SUGT1: variants seen among roughly 807,000 people sequenced by gnomAD.
The protein encoded by SUGT1 is SGT1 assembly cochaperone of MIS12 kinetochore complex, also known as protein SGT1 homolog.
In SUGT1, 15 loss-of-function variants were observed where a neutral mutation model predicts 56.1. The observed-to-expected ratio is 0.27, with a 90% CI of 0.18 to 0.41. SUGT1 has a LOEUF of 0.41. Among genes scored for constraint, SUGT1 ranks in the 10% least tolerant of loss-of-function variants. The probability of loss-of-function intolerance (pLI) is 1.00; values close to 1 mark genes in which losing one functional copy is unlikely to be tolerated. For missense variants in SUGT1, 347 were observed against 382.2 expected, an observed-to-expected ratio of 0.91 and a Z score of 0.77; for synonymous variants, 123 against 128.6, an observed-to-expected ratio of 0.96 and a Z score of 0.30.
chr13:52,668,172 G>A (rs1962794665), intron 10 of SUGT1, among the ~76,000 whole-genome samples: 1 of 152,018 alleles, frequency 6.6e-6, no homozygotes, highest in Admixed American at 6.6e-5. Flanking sequence ...TGTAGAGATG[G>A]GGTTTCACCA....
At chr13:52,653,299 C>T (rs1261731784) in intron 2 of SUGT1, among the ~76,000 whole-genome samples, 196 bp downstream of exon 2, 1 of 152,158 alleles carries the variant, frequency 6.6e-6, no homozygotes, top group Non-Finnish European at 1.5e-5. Context: ...AGACTCCTGT[C>T]TTGCCCTTTC....
At chr13:52,682,131 C>G (rs1963400669) in intron 12 of SUGT1, among the ~76,000 whole-genome samples, 3 of 151,990 alleles carry the variant, frequency 2.0e-5, no homozygotes, top group African/African-American at 4.8e-5. Flanking sequence ...AACTCTTTGC[C>G]TAGTCCTAGA....
At chr13:52,654,028 A>G (rs1245676535) in intron 2 of SUGT1, among the ~76,000 whole-genome samples, 1 of 152,250 alleles carries the variant, frequency 6.6e-6, no homozygotes, top group Non-Finnish European at 1.5e-5. Context: ...TATTCCAGGC[A>G]GGACCAAGAG....
intron 3 of SUGT1, chr13:52,658,128 C>A: frequency 7.4e-7 from 1 of 1,349,558 alleles, no homozygotes. Context: ...AGTAAAATTA[C>A]ATAGAAAATG....
At chr13:52,658,230 C>G (rs1225357190) in intron 3 of SUGT1, 169 bp from the exon 4 acceptor site, 2 of 1,517,680 alleles carry the variant, frequency 1.3e-6, no homozygotes, top group Non-Finnish European at 1.8e-6. Context: ...AAGGAAGGTA[C>G]AAGAGTAATA....
Position 52,658,585 on chromosome 13 carries a change from T to C in SUGT1, c.257+117T>C, listed in dbSNP as rs990351741. 18 of 872,362 alleles carry C rather than the reference T, an allele frequency of 2.1e-5. No individual in the cohort carries two copies. The African/African-American group carries it at 2.9e-4, about 14-fold the overall frequency. 54.0% of individuals were successfully genotyped at this position (872,362 alleles called of 1,614,324 possible). On this transcript the variant is annotated intron_variant, in intron 4 of 12. Transcript: ENST00000310528. Reference sequence around the variant, plus strand: ...TAAAATTCTGTATTTATACATTATATAGCAGAGATATGATTCAATTTTAAA... The same window carrying C: ...TAAAATTCTGTATTTATACATTATACAGCAGAGATATGATTCAATTTTAAA...
chr13:52,662,987 G>T, intron 6 of SUGT1, 109 bp from the exon 7 acceptor site: 1 of 1,240,386 alleles, frequency 8.1e-7, no homozygotes, highest in South Asian at 1.4e-5. Flanking sequence ...TGAAAGGTAC[G>T]GAGAATTTGC....
Position 52,696,328 on chromosome 13 carries a change from C to A in SUGT1, c.*8493C>A, listed in dbSNP as rs773350944. On this transcript the variant is annotated 3_prime_UTR_variant, in exon 13 of 13. Transcript: ENST00000310528. ...CCTCTCCATGCCCTCTACTGAAATG[C>A]ATTGCCACTCTAGTTGTGATGTGGG... The A allele has an allele frequency of 6.6e-6, 1 of 152,198 alleles. No homozygotes were observed. The highest frequency in any genetic ancestry group is 1.5e-5 in the Non-Finnish European group (1 of 68,042). 9.4% of individuals were successfully genotyped at this position (152,198 alleles called of 1,614,324 possible).
At position 52,665,620 on chromosome 13, in the gene SUGT1, T is replaced by C; in HGVS notation, c.423-17T>C. On this transcript the variant is annotated splice_polypyrimidine_tract_variant and intron_variant, in intron 8 of 12. Transcript: ENST00000310528. ...AAATTAGAAGAGTTACCTAAGTTTC[T>C]TTTTTTTTTTTAATAGGTATGACTG... 1 of 616,304 alleles carries C rather than the reference T, an allele frequency of 1.6e-6. No homozygotes were observed. The highest frequency in any genetic ancestry group is 2.3e-6 in the Non-Finnish European group (1 of 436,794). 38.2% of individuals were successfully genotyped at this position (616,304 alleles called of 1,614,324 possible). A position where few individuals can be genotyped will look rare whatever the true frequency, so the allele number is the denominator to read the frequency against.
chr13:52,659,224 T>C lies in SUGT1; in HGVS notation c.303T>C (p.Thr101=), dbSNP rs758713556. Residue 101 remains threonine, a synonymous_variant, in exon 5 of 13, where the codon ACT becomes ACC. Coordinates refer to ENST00000310528, the MANE Select transcript of SUGT1 (RefSeq NM_006704.5). ...AAAACTATGCTGCTGCCCTAGAAAC[T>C]TTTACAGAAGGACAAAAATTAGATA... ...HEKNYAAALE[T]FTEGQKLDSA... 6 of 1,485,934 alleles carry C rather than the reference T, an allele frequency of 4.0e-6. No individual in the cohort carries two copies. The allele number at this position is 1,485,934 out of a possible 1,614,324, so 92.0% of individuals were successfully genotyped here.
chr13:52,675,867 A>G (rs1963118758), intron 10 of SUGT1, among the ~76,000 whole-genome samples: 1 of 152,168 alleles, frequency 6.6e-6, no homozygotes, highest in Admixed American at 6.5e-5. Context: ...AGATGTCATT[A>G]TCACCTCTTC....
chr13:52,656,634 T>A (rs1962180425), intron 2 of SUGT1, among the ~76,000 whole-genome samples: 1 of 152,216 alleles, frequency 6.6e-6, no homozygotes, highest in Non-Finnish European at 1.5e-5. Context: ...CTCTCTTGAT[T>A]TGAGCCTTAC....
At chr13:52,663,024 A>G in intron 6 of SUGT1, 72 bp from the exon 7 acceptor site, 1 of 1,523,160 alleles carries the variant, frequency 6.6e-7, no homozygotes, top group Non-Finnish European at 9.0e-7. Flanking sequence ...TTTGTGCTAT[A>G]GAAATCATAC....
At chr13:52,654,982 G>T (rs1274077966) in intron 2 of SUGT1, among the ~76,000 whole-genome samples, 1 of 152,184 alleles carries the variant, frequency 6.6e-6, no homozygotes, top group East Asian at 1.9e-4. Flanking sequence ...ATAGTCATGT[G>T]GCTAGTATTA....
intron 12 of SUGT1, among the ~76,000 whole-genome samples, chr13:52,685,190 C>CT (rs1387552298): frequency 1.3e-5 from 2 of 151,568 alleles, no homozygotes; most frequent in African/African-American, 2.4e-5. Flanking sequence ...CCTGAGCCTC[C>CT]TAAGTAGCTT....
Position 52,665,896 on chromosome 13 carries a change from T to C in SUGT1, c.519+163T>C, listed in dbSNP as rs191668696. On this transcript the variant is annotated intron_variant, in intron 9 of 12. Transcript: ENST00000310528. ...AAGCCATTGCTTTGAGGTAAGAATATGTATGTTGGTAAATTATAGCTGGAT... is the reference window on the plus strand; with the variant it reads ...AAGCCATTGCTTTGAGGTAAGAATACGTATGTTGGTAAATTATAGCTGGAT... Among the ~76,000 whole-genome samples the C allele has an allele frequency of 1.3e-4, 20 of 152,344 alleles. No homozygotes were observed. The East Asian group carries it at 3.7e-3, about 28-fold the overall frequency.
rs1346994764 is a variant in SUGT1 at position 52,680,160 on chromosome 13, G to A, written c.900+5G>A. Reference sequence around the variant, plus strand: ...CGTGCCATGAACAAATCCTTTGTAAGAATATAAACTTAAAGAAATATATAT... The same window carrying A: ...CGTGCCATGAACAAATCCTTTGTAAAAATATAAACTTAAAGAAATATATAT... On this transcript the variant is annotated splice_donor_5th_base_variant and intron_variant, in intron 12 of 12. Coordinates refer to ENST00000310528, the MANE Select transcript of SUGT1 (RefSeq NM_006704.5). 3 of 1,563,920 alleles carry A rather than the reference G, an allele frequency of 1.9e-6. No individual in the cohort carries two copies. The highest frequency in any genetic ancestry group is 8.6e-7 in the Non-Finnish European group (1 of 1,164,520).
chr13:52,652,944 T>A lies in SUGT1; in HGVS notation c.24T>A (p.Thr8=), dbSNP rs1413773146. 6.2e-7 allele frequency: 1 copy of A among 1,614,220 alleles called. No homozygotes were observed. The highest frequency in any genetic ancestry group is 1.7e-5 in the Admixed American group (1 of 60,026). Residue 8 remains threonine, a synonymous_variant, in exon 1 of 13, where the codon ACT becomes ACA. Transcript: ENST00000310528. ...GGATGGCGGCGGCTGCAGCAGGAACTGCAACATCCCAGAGGTGCATGTTTT... is the reference window on the plus strand; with the variant it reads ...GGATGGCGGCGGCTGCAGCAGGAACAGCAACATCCCAGAGGTGCATGTTTT... MAAAAAG[T]ATSQRFFQSF...
chr13:52,672,833 T>C (rs1016028643), intron 10 of SUGT1, among the ~76,000 whole-genome samples: 1 of 152,158 alleles, frequency 6.6e-6, no homozygotes, highest in Non-Finnish European at 1.5e-5. Flanking sequence ...ATTTCTTTCA[T>C]TGGAAAGAAT....
Sources: gnomAD v4.1 joint callset for allele counts (sites outside exome capture counted in the v4.1 genomes callset) on GRCh38, gnomAD v4.1.1 for gene constraint, MANE v1.5 for transcripts, NCBI Gene and HGNC (gene_info 2026-07-23, HGNC 2026-07-21) for gene names.